The following HOXA13 variants were observed in gnomAD, a reference collection of about 807,000 sequenced individuals.
HOXA13 encodes the protein homeobox protein Hox-A13.
Under a neutral mutation model 25.7 loss-of-function variants are expected in HOXA13, and 5 were observed. That is an observed-to-expected ratio of 0.19 (90% CI 0.10 to 0.41). The LOEUF is 0.41. Among genes scored for constraint, HOXA13 ranks in the 10% least tolerant of loss-of-function variants. The pLI is 1.00. For synonymous variants in HOXA13, 284 were observed against 241.1 expected, an observed-to-expected ratio of 1.18 and a Z score of -1.65; for missense variants, 557 against 533.5, an observed-to-expected ratio of 1.04 and a Z score of -0.43.
rs983576284 is a variant in HOXA13, at chr7:27,199,703, AGCGGCAGCC to A, written c.366_374del (p.Ala131_Ala133del). 26 of 1,053,556 alleles carry A rather than the reference AGCGGCAGCC, an allele frequency of 2.5e-5. No individual in the cohort carries two copies. Among genetic ancestry groups the A allele is most frequent in the East Asian group, 1.4e-4 (2 of 13,854 alleles). 65.3% of individuals were successfully genotyped at this position (1,053,556 alleles called of 1,614,324 possible). ...ACGCGGCGGCGGCGGCGGCGGCTGC[AGCGGCAGCC>A]GCGGCAGCAGCGGCGGCAGCCGACG... is the stretch of plus-strand genomic sequence containing the variant. On this transcript the variant is annotated inframe_deletion, in exon 1 of 2. Transcript: ENST00000649031.
At position 27,196,973 on chromosome 7, in the gene HOXA13, A is replaced by C. The variant is rs1476057099; in HGVS notation, c.*1225T>G. ...TTCATTTTTAGTAGAAATATTTAAA[A>C]AGCAGGTGCACAAATACATTTTCAC... On this transcript the variant is annotated 3_prime_UTR_variant, in exon 2 of 2. Coordinates refer to ENST00000649031, the MANE Select transcript of HOXA13 (RefSeq NM_000522.5). 5.3e-6 allele frequency: 1 copy of C among 189,626 alleles called. No homozygotes were observed. The highest frequency in any genetic ancestry group is 1.1e-5 in the Non-Finnish European group (1 of 90,024). 11.7% of individuals were successfully genotyped at this position (189,626 alleles called of 1,614,324 possible). A position where few individuals can be genotyped will look rare whatever the true frequency, so the allele number is the denominator to read the frequency against.
In HOXA13 at chr7:27,199,170, T is replaced by C. The variant is rs1210927255; in HGVS notation, c.908A>G (p.Lys303Arg). Reference protein sequence around the residue: ...KEQAQPPHLWKSTLPDVVSHP... With the variant: ...KEQAQPPHLWRSTLPDVVSHP... ...TCGTCATTTACCGGGCAGAGTGGAC[T>C]TCCAGAGGTGGGGAGGCTGCGCCTG... Residue 303 changes from lysine to arginine, a missense_variant, in exon 1 of 2, where the codon AAG (lysine) becomes AGG (arginine). Transcript: ENST00000649031. The C allele has an allele frequency of 1.2e-6, 2 of 1,611,604 alleles. No homozygotes were observed. Among genetic ancestry groups the C allele is most frequent in the South Asian group, 1.1e-5 (1 of 91,012 alleles).
intron 1 of HOXA13, 145 bp downstream of exon 1, chr7:27,199,011 A>T (rs942516145): frequency 1.1e-4 from 83 of 745,118 alleles, no homozygotes; most frequent in Non-Finnish European, 1.0e-4. Flanking sequence ...AGACCCAGCC[A>T]GCCATGCTCG....
In HOXA13 at chr7:27,199,167, G is replaced by T; in HGVS notation, c.911C>A (p.Ser304Tyr). ...EQAQPPHLWKSTLPDVVSHPS... is the reference protein window; with the variant it reads ...EQAQPPHLWKYTLPDVVSHPS... ...AGGTCGTCATTTACCGGGCAGAGTG[G>T]ACTTCCAGAGGTGGGGAGGCTGCGC... is the stretch of plus-strand genomic sequence containing the variant. Residue 304 changes from serine to tyrosine, a missense_variant, in exon 1 of 2, where the codon TCC becomes TAC. Physicochemically the swap from Ser to Tyr is moderately radical, Grantham distance 144. Coordinates refer to ENST00000649031, the MANE Select transcript of HOXA13 (RefSeq NM_000522.5). 6.2e-7 allele frequency: 1 copy of T among 1,611,248 alleles called. No homozygotes were observed. Among genetic ancestry groups the T allele is most frequent in the Non-Finnish European group, 8.5e-7 (1 of 1,179,224 alleles).
chr7:27,199,434 C>A lies in HOXA13; in HGVS notation c.644G>T (p.Gly215Val), dbSNP rs373203644. Residue 215 changes from glycine (G) to valine (V), a missense_variant, in exon 1 of 2, where the codon GGC becomes GTC. Coordinates refer to ENST00000649031, the MANE Select transcript of HOXA13 (RefSeq NM_000522.5). Reference sequence around the variant, plus strand: ...GGAGCTGAACTCCTCGGCAGCTGGGCCGGCGGTATCCATGTACTTGTCCGC... The same window carrying A: ...GGAGCTGAACTCCTCGGCAGCTGGGACGGCGGTATCCATGTACTTGTCCGC... Reference protein sequence around the residue: ...AFADKYMDTAGPAAEEFSSRA... With the variant: ...AFADKYMDTAVPAAEEFSSRA... 6.2e-7 allele frequency: 1 copy of A among 1,613,606 alleles called. No homozygotes were observed. Among genetic ancestry groups the A allele is most frequent in the Non-Finnish European group, 8.5e-7 (1 of 1,179,952 alleles).
At position 27,198,141 on chromosome 7, in the gene HOXA13, A is replaced by G; in HGVS notation, c.*57T>C. Reference sequence around the variant, plus strand: ...AAGCATTATTATCATTATCTGGGCAAAGCAACGAGTTCTGAAGCGTTTCTT... The same window carrying G: ...AAGCATTATTATCATTATCTGGGCAGAGCAACGAGTTCTGAAGCGTTTCTT... On this transcript the variant is annotated 3_prime_UTR_variant, in exon 2 of 2. Coordinates refer to ENST00000649031, the MANE Select transcript of HOXA13 (RefSeq NM_000522.5). 1.3e-6 allele frequency: 2 copies of G among 1,589,624 alleles called. No individual in the cohort carries two copies. The highest frequency in any genetic ancestry group is 1.7e-6 in the Non-Finnish European group (2 of 1,158,972).
chr7:27,199,763 G>A lies in HOXA13; in HGVS notation c.315C>T (p.Tyr105=), dbSNP rs1194813119. The change falls in exon 1 of 2, where the codon TAC becomes TAT. Residue 105 remains tyrosine (Y), a synonymous_variant. Coordinates refer to ENST00000649031, the MANE Select transcript of HOXA13 (RefSeq NM_000522.5). ...APLAPGAASA[Y]SSAPGEAPPS... ...GGGGCGCCTCCCCGGGGGCGCTGCT[G>A]TAGGCGGACGCGGCTCCTGGCGCCA... 41 of 1,017,576 alleles carry A rather than the reference G, an allele frequency of 4.0e-5. No homozygotes were observed. The highest frequency in any genetic ancestry group is 4.5e-5 in the Non-Finnish European group (38 of 845,492). The allele number at this position is 1,017,576 out of a possible 1,614,324, so 63.0% of individuals were successfully genotyped here.
At position 27,199,999 on chromosome 7, in the gene HOXA13, C is replaced by T; in HGVS notation, c.79G>A (p.Val27Met). 6.7e-7 allele frequency: 1 copy of T among 1,483,678 alleles called. No individual in the cohort carries two copies. The highest frequency in any genetic ancestry group is 9.1e-7 in the Non-Finnish European group (1 of 1,104,594). 91.9% of individuals were successfully genotyped at this position (1,483,678 alleles called of 1,614,324 possible). A position where few individuals can be genotyped will look rare whatever the true frequency, so the allele number is the denominator to read the frequency against. Reference sequence around the variant, plus strand: ...ATGTTCTTGTTGAGCTCGTCGGCCACCAGGCCGCCGCCGTTGTCGTAGAGA... The same window carrying T: ...ATGTTCTTGTTGAGCTCGTCGGCCATCAGGCCGCCGCCGTTGTCGTAGAGA... ...MFLYDNGGGLVADELNKNMEG... is the reference protein window; with the variant it reads ...MFLYDNGGGLMADELNKNMEG... Residue 27 changes from valine to methionine, a missense_variant, in exon 1 of 2, where the codon GTG becomes ATG. Physicochemically the swap from Val to Met is conservative, Grantham distance 21. Transcript: ENST00000649031.
In HOXA13 at chr7:27,194,831, CG is replaced by C. The variant is rs2115469095; in HGVS notation, c.*3366del. On this transcript the variant is annotated 3_prime_UTR_variant, in exon 2 of 2. Transcript: ENST00000649031. ...ATGGCTTTCGAAAGGGGCGGGATCC[CG>C]GCTGGAGAGCTGCTGTTGGCCTCCT... The C allele has an allele frequency of 6.6e-6, 1 of 152,332 alleles. No individual in the cohort carries two copies. The highest frequency in any genetic ancestry group is 6.5e-5 in the Admixed American group (1 of 15,300). 9.4% of individuals were successfully genotyped at this position (152,332 alleles called of 1,614,324 possible).
chr7:27,198,989 G>C (rs945165402), intron 1 of HOXA13, among the ~76,000 whole-genome samples, 167 bp downstream of exon 1: 2 of 152,194 alleles, frequency 1.3e-5, no homozygotes, highest in Non-Finnish European at 2.9e-5. Context: ...CTCAACTCGA[G>C]GCAGTGCAGG....
rs1783993202 is a variant in HOXA13 at position 27,195,390 on chromosome 7, T to A, written c.*2808A>T. The A allele has an allele frequency of 6.6e-6, 1 of 152,224 alleles. No homozygotes were observed. The highest frequency in any genetic ancestry group is 1.5e-5 in the Non-Finnish European group (1 of 68,046). 9.4% of individuals were successfully genotyped at this position (152,224 alleles called of 1,614,324 possible). On this transcript the variant is annotated 3_prime_UTR_variant, in exon 2 of 2. Coordinates refer to ENST00000649031, the MANE Select transcript of HOXA13 (RefSeq NM_000522.5). ...AAAATTAGCCTGCATCTCACAATTC[T>A]GCATCCCACGGCTACTGATTCCACC... is the stretch of plus-strand genomic sequence containing the variant.
In HOXA13 at chr7:27,197,733, A is replaced by G. The variant is rs558463011; in HGVS notation, c.*465T>C. Reference sequence around the variant, plus strand: ...AACGTACAACAACGGTAGGAATTTCACTAAGATTTACCTGAGCAGACGCTT... The same window carrying G: ...AACGTACAACAACGGTAGGAATTTCGCTAAGATTTACCTGAGCAGACGCTT... On this transcript the variant is annotated 3_prime_UTR_variant, in exon 2 of 2. Coordinates refer to ENST00000649031, the MANE Select transcript of HOXA13 (RefSeq NM_000522.5). The G allele has an allele frequency of 3.9e-6, 1 of 255,962 alleles. No homozygotes were observed. The highest frequency in any genetic ancestry group is 2.2e-5 in the African/African-American group (1 of 45,364). The allele number at this position is 255,962 out of a possible 1,614,324, so 15.9% of individuals were successfully genotyped here. A position where few individuals can be genotyped will look rare whatever the true frequency, so the allele number is the denominator to read the frequency against.
rs138584447 is a variant in HOXA13, at chr7:27,198,342, G to A, written c.1023C>T (p.Tyr341=). 6.2e-6 allele frequency: 10 copies of A among 1,614,050 alleles called. No individual in the cohort carries two copies. The highest frequency in any genetic ancestry group is 8.5e-6 in the Non-Finnish European group (10 of 1,180,046). Residue 341 remains tyrosine (Y), a synonymous_variant, in exon 2 of 2, where the codon TAC becomes TAT. Transcript: ENST00000649031. ...KVQLKELERE[Y]ATNKFITKDK... is the part of the protein sequence containing the mutation. ...CCTTAGTAATGAATTTATTCGTGGC[G>A]TATTCCCGTTCAAGTTCTTTTAATT...
Position 27,199,346 on chromosome 7 carries a change from C to T in HOXA13, c.732G>A (p.Gln244=), listed in dbSNP as rs768250648. ...GCATATCCAGGTAGCCAGGCATGGG[C>T]TGATGGTGGTGGTAAGGCCCGGCTG... ...GYAAGPYHHH[Q]PMPGYLDMPV... Residue 244 remains glutamine, a synonymous_variant, in exon 1 of 2, where the codon CAG becomes CAA. Coordinates refer to ENST00000649031, the MANE Select transcript of HOXA13 (RefSeq NM_000522.5). 4 of 1,613,982 alleles carry T rather than the reference C, an allele frequency of 2.5e-6. No individual in the cohort carries two copies. Among genetic ancestry groups the T allele is most frequent in the East Asian group, 2.2e-5 (1 of 44,856 alleles).
At chr7:27,198,686 G>C in intron 1 of HOXA13, 1 of 582,960 alleles carries the variant, frequency 1.7e-6, no homozygotes, top group East Asian at 2.9e-5. Context: ...GCAGCGCGTA[G>C]GCAGCCTCGA....
In HOXA13 at chr7:27,197,200, A is replaced by G. The variant is rs185640292; in HGVS notation, c.*998T>C. ...CAAAATATAGAATATAGACACCTAAATATTTCAGGGGAATGAATTTTCATT... is the reference window on the plus strand; with the variant it reads ...CAAAATATAGAATATAGACACCTAAGTATTTCAGGGGAATGAATTTTCATT... On this transcript the variant is annotated 3_prime_UTR_variant, in exon 2 of 2. Transcript: ENST00000649031. The G allele has an allele frequency of 9.7e-6, 2 of 206,270 alleles. No homozygotes were observed. Among genetic ancestry groups the G allele is most frequent in the South Asian group, 1.9e-4 (1 of 5,296 alleles). 12.8% of individuals were successfully genotyped at this position (206,270 alleles called of 1,614,324 possible).
chr7:27,198,115 T>C lies in HOXA13; in HGVS notation c.*83A>G, dbSNP rs527841320. 256 of 1,399,490 alleles carry C rather than the reference T, an allele frequency of 1.8e-4. 2 individuals carry two copies. The South Asian group carries it at 2.9e-3, about 16-fold the overall frequency. 86.7% of individuals were successfully genotyped at this position (1,399,490 alleles called of 1,614,324 possible). A position where few individuals can be genotyped will look rare whatever the true frequency, so the allele number is the denominator to read the frequency against. On this transcript the variant is annotated 3_prime_UTR_variant, in exon 2 of 2. Transcript: ENST00000649031. ...CTCTTTCCCATTCTTCAATTATTAT[T>C]AAGCATTATTATCATTATCTGGGCA...
chr7:27,199,775 G>C lies in HOXA13; in HGVS notation c.303C>G (p.Ala101=). ...MAHPAPLAPG[A]ASAYSSAPGE... Reference sequence around the variant, plus strand: ...CGGGGGCGCTGCTGTAGGCGGACGCGGCTCCTGGCGCCAAGGGCGCCGGGT... The same window carrying C: ...CGGGGGCGCTGCTGTAGGCGGACGCCGCTCCTGGCGCCAAGGGCGCCGGGT... Residue 101 remains alanine (A), a synonymous_variant, in exon 1 of 2, where the codon GCC becomes GCG. Transcript: ENST00000649031. 9.8e-7 allele frequency: 1 copy of C among 1,019,288 alleles called. No homozygotes were observed. The highest frequency in any genetic ancestry group is 1.2e-6 in the Non-Finnish European group (1 of 845,906). 63.1% of individuals were successfully genotyped at this position (1,019,288 alleles called of 1,614,324 possible). A position where few individuals can be genotyped will look rare whatever the true frequency, so the allele number is the denominator to read the frequency against.
chr7:27,198,517 G>A (rs1020339185), intron 1 of HOXA13, 75 bp from the exon 2 acceptor site: 7 of 1,591,380 alleles, frequency 4.4e-6, no homozygotes, highest in Non-Finnish European at 6.0e-6. Context: ...CTCGATCTGA[G>A]CCACCCGCCT....
Sources: allele counts gnomAD v4.1 joint callset (sites outside exome capture counted in the v4.1 genomes callset), GRCh38; gene constraint gnomAD v4.1.1; transcripts MANE v1.5; gene names NCBI Gene and HGNC (gene_info 2026-07-23, HGNC 2026-07-21).